The following NEDD4L variants were observed in gnomAD, a reference collection of about 807,000 sequenced individuals.
NEDD4L encodes NEDD4 like E3 ubiquitin protein ligase.
In NEDD4L, 54 loss-of-function variants were observed where a neutral mutation model predicts 148.9. The observed-to-expected ratio is 0.36, with a 90% CI of 0.29 to 0.45. The LOEUF (loss-of-function observed/expected upper bound fraction) is 0.45. NEDD4L is among the 20% of genes least tolerant of loss of function. NEDD4L has a pLI of 1.00. For missense variants in NEDD4L, 856 were observed against 1,233.8 expected (o/e 0.69, Z 4.59); for synonymous variants, 433 against 440.7 (o/e 0.98, Z 0.22).
At chr18:58,283,769 T>C (rs2053518814) in intron 5 of NEDD4L, among the ~76,000 whole-genome samples, 1 of 152,188 alleles carries the variant, frequency 6.6e-6, no homozygotes, top group Admixed American at 6.5e-5. Context: ...CAAAAAGATA[T>C]GAAATCCTAT....
chr18:58,208,004 C>T (rs889091297), intron 2 of NEDD4L, among the ~76,000 whole-genome samples: 15 of 152,130 alleles, frequency 9.9e-5, no homozygotes, highest in Admixed American at 6.5e-5. Context: ...GGTCATGCCA[C>T]TGCACTCCAG....
Position 58,323,249 on chromosome 18 carries a change from A to C in NEDD4L, c.428A>C (p.Lys143Thr). 1 of 1,601,546 alleles carries C rather than the reference A, an allele frequency of 6.2e-7. No homozygotes were observed. The highest frequency in any genetic ancestry group is 8.5e-7 in the Non-Finnish European group (1 of 1,172,254). The change falls in exon 8 of 31, where the codon AAG becomes ACG. Residue 143 changes from lysine to threonine, a missense_variant. Lys to Thr is a moderately conservative substitution (Grantham distance 78). This residue lies in a region of NEDD4L where 193 missense variants were observed against 244.2 expected (regional missense o/e 0.79). Transcript: ENST00000400345. ...LRPRSHKSRV[K>T]GFLRLKMAYM... Reference sequence around the variant, plus strand: ...GTGTGCAGTCATAAGTCTCGAGTTAAGGGATTTTTGCGATTGAAAATGGCC... The same window carrying C: ...GTGTGCAGTCATAAGTCTCGAGTTACGGGATTTTTGCGATTGAAAATGGCC...
intron 5 of NEDD4L, among the ~76,000 whole-genome samples, chr18:58,291,214 C>A (rs1477377130): frequency 2.0e-5 from 3 of 152,078 alleles, no homozygotes; most frequent in Non-Finnish European, 1.5e-5. Flanking sequence ...AGAACCAGGC[C>A]GACCGACCCA....
At chr18:58,238,382 A>G (rs1290920914) in intron 2 of NEDD4L, among the ~76,000 whole-genome samples, 1 of 152,200 alleles carries the variant, frequency 6.6e-6, no homozygotes, top group African/African-American at 2.4e-5. Context: ...TGAAGTGTAT[A>G]TGTAACTGTT....
At chr18:58,056,337 C>G (rs73959452) in intron 1 of NEDD4L, among the ~76,000 whole-genome samples, 1 of 152,134 alleles carries the variant, frequency 6.6e-6, no homozygotes, top group East Asian at 1.9e-4. Context: ...TGTCTCAATT[C>G]GTGTTTTATG....
chr18:58,296,045 G>T (rs1201412882), intron 5 of NEDD4L, among the ~76,000 whole-genome samples: 3 of 152,212 alleles, frequency 2.0e-5, no homozygotes, highest in Non-Finnish European at 1.5e-5. Context: ...GGGAGCTTGT[G>T]TGTGCCCCCA....
At position 58,396,283 on chromosome 18, in the gene NEDD4L, C is replaced by T. The variant is rs116444191; in HGVS notation, c.*14C>T. On this transcript the variant is annotated 3_prime_UTR_variant, in exon 31 of 31. Coordinates refer to ENST00000400345, the MANE Select transcript of NEDD4L (RefSeq NM_001144967.3). ...GGGGTGGATTAAGCACCCTGTGCCTCGGGGGTGGTTGTTCTTCAAGCAAGT... is the reference window on the plus strand; with the variant it reads ...GGGGTGGATTAAGCACCCTGTGCCTTGGGGGTGGTTGTTCTTCAAGCAAGT... 3.4e-4 allele frequency: 526 copies of T among 1,565,874 alleles called. 2 individuals carry two copies. In the African/African-American group the frequency reaches 5.9e-3, roughly 18 times the overall value.
At chr18:58,336,781 C>T (rs745638977) in intron 13 of NEDD4L, among the ~76,000 whole-genome samples, 6 of 152,160 alleles carry the variant, frequency 3.9e-5, no homozygotes, top group Non-Finnish European at 5.9e-5. Context: ...AGATATTGAG[C>T]TACAGTGGTT....
chr18:58,190,242 A>G (rs2039960644), intron 2 of NEDD4L, among the ~76,000 whole-genome samples: 1 of 152,208 alleles, frequency 6.6e-6, no homozygotes, highest in South Asian at 2.1e-4. Context: ...ATGAAGTTAT[A>G]TTTTATCCTT....
intron 2 of NEDD4L, chr18:58,195,345 C>G (rs140598559): frequency 1.9e-6 from 2 of 1,055,522 alleles, no homozygotes; most frequent in Admixed American, 3.6e-5. Flanking sequence ...CTTGAATACA[C>G]GAAGTTCCTC....
At chr18:58,369,051 CG>C (rs574834838) in intron 22 of NEDD4L, among the ~76,000 whole-genome samples, 1 of 152,002 alleles carries the variant, frequency 6.6e-6, no homozygotes, top group Non-Finnish European at 1.5e-5. Flanking sequence ...TATATTTTAG[CG>C]GGGGGAAAAG....
At chr18:58,338,287 GA>G (rs1188547307) in intron 13 of NEDD4L, among the ~76,000 whole-genome samples, 1 of 152,228 alleles carries the variant, frequency 6.6e-6, no homozygotes, top group African/African-American at 2.4e-5. Flanking sequence ...CACAAGCACA[GA>G]ACAGCAGAAG....
At chr18:58,293,453 A>T (rs2055066535) in intron 5 of NEDD4L, among the ~76,000 whole-genome samples, 1 of 152,210 alleles carries the variant, frequency 6.6e-6, no homozygotes, top group South Asian at 2.1e-4. Flanking sequence ...TGGATATGGG[A>T]TAATTACCAT....
intron 2 of NEDD4L, among the ~76,000 whole-genome samples, chr18:58,224,849 C>A (rs912001304): frequency 6.6e-6 from 1 of 152,054 alleles, no homozygotes; most frequent in Non-Finnish European, 1.5e-5. Context: ...TTTCCTGTTA[C>A]TTTTGTTTTC....
intron 5 of NEDD4L, among the ~76,000 whole-genome samples, chr18:58,279,427 A>G (rs190699899): frequency 6.6e-6 from 1 of 152,216 alleles, no homozygotes; most frequent in Non-Finnish European, 1.5e-5. Context: ...AAGGGTCCTG[A>G]AAAAGGCATA....
At chr18:58,255,650 C>T (rs1439224533) in intron 5 of NEDD4L, 15 of 1,232,326 alleles carry the variant, frequency 1.2e-5, no homozygotes, top group East Asian at 9.5e-5. Context: ...CATGGCCCAT[C>T]GGCTTCGGTT....
At chr18:58,150,222 G>A (rs1290787184) in intron 1 of NEDD4L, among the ~76,000 whole-genome samples, 1 of 152,174 alleles carries the variant, frequency 6.6e-6, no homozygotes, top group African/African-American at 2.4e-5. Context: ...CATCAATCCT[G>A]TTTTTATTAA....
chr18:58,258,785 G>A (rs1012859008), intron 5 of NEDD4L, among the ~76,000 whole-genome samples: 1 of 152,136 alleles, frequency 6.6e-6, no homozygotes. Flanking sequence ...AAAACCAAAA[G>A]TGGTCACATA....
intron 22 of NEDD4L, among the ~76,000 whole-genome samples, chr18:58,369,054 G>A (rs2046476239): frequency 6.6e-6 from 1 of 152,198 alleles, no homozygotes; most frequent in Non-Finnish European, 1.5e-5. Context: ...ATTTTAGCGG[G>A]GGGAAAAGAG....
Sources: gnomAD v4.1 joint callset for allele counts (sites outside exome capture counted in the v4.1 genomes callset) on GRCh38, gnomAD v4.1.1 for gene constraint, gnomAD v4.1.1 regional missense constraint, MANE v1.5 for transcripts, NCBI Gene and HGNC (gene_info 2026-07-23, HGNC 2026-07-21) for gene names.